CLVS1: variants seen among roughly 807,000 people sequenced by gnomAD.
CLVS1 encodes clavesin-1.
In CLVS1, 10 loss-of-function variants were observed where a neutral mutation model predicts 33.1. That is an observed-to-expected ratio of 0.30 (90% CI 0.19 to 0.51). The LOEUF is 0.51. Among genes scored for constraint, CLVS1 ranks in the 20% least tolerant of loss-of-function variants. The pLI, the probability that CLVS1 is intolerant of heterozygous loss-of-function variation, is 0.97. For missense variants in CLVS1, 343 were observed against 433.4 expected, an observed-to-expected ratio of 0.79 and a Z score of 1.85; for synonymous variants, 163 against 166.1, an observed-to-expected ratio of 0.98 and a Z score of 0.14.
the CLVS1 span, among the ~76,000 whole-genome samples, chr8:61,038,331 C>T: frequency 6.6e-6 from 1 of 151,698 alleles, no homozygotes; most frequent in East Asian, 1.9e-4. Flanking sequence ...CTGGTGTTTC[C>T]CATATGAGAG....
At chr8:61,365,965 T>A (rs1021793349) in intron 2 of CLVS1, among the ~76,000 whole-genome samples, 2 of 152,220 alleles carry the variant, frequency 1.3e-5, no homozygotes, top group African/African-American at 4.8e-5. Flanking sequence ...AATTTAGCTG[T>A]ATTAAGTGCT....
intron 2 of CLVS1, among the ~76,000 whole-genome samples, chr8:61,271,192 C>A (rs1809430203): frequency 6.7e-6 from 1 of 148,586 alleles, no homozygotes; most frequent in African/African-American, 2.5e-5. Flanking sequence ...TTGAATGCGT[C>A]CCAGAGATTC....
At chr8:61,454,319 T>G in intron 4 of CLVS1, 68 bp downstream of exon 4, 1 of 1,069,244 alleles carries the variant, frequency 9.4e-7, no homozygotes, top group Non-Finnish European at 1.5e-6. Flanking sequence ...CTCTCTCCCC[T>G]CCTCTCTCCT....
the CLVS1 span, among the ~76,000 whole-genome samples, chr8:60,972,206 G>A: frequency 6.6e-6 from 1 of 152,056 alleles, no homozygotes; most frequent in Non-Finnish European, 1.5e-5. Flanking sequence ...CAGCATGGTG[G>A]TCTCAGTGTG....
At chr8:61,102,863 A>AAGGAG (rs1563403529) in intron 1 of CLVS1, among the ~76,000 whole-genome samples, 2 of 152,090 alleles carry the variant, frequency 1.3e-5, no homozygotes, top group African/African-American at 4.8e-5. Flanking sequence ...AGGAGAAGGA[A>AAGGAG]AAGGATAGAG....
upstream of CLVS1, among the ~76,000 whole-genome samples, chr8:61,284,292 G>C (rs1400287119): frequency 6.6e-6 from 1 of 152,186 alleles, no homozygotes; most frequent in Admixed American, 6.5e-5. Flanking sequence ...ATAAGTTCTG[G>C]TGTTCCACTG....
intron 2 of CLVS1, among the ~76,000 whole-genome samples, chr8:61,183,264 G>T (rs539319514): frequency 6.6e-6 from 1 of 152,112 alleles, no homozygotes; most frequent in Non-Finnish European, 1.5e-5. Flanking sequence ...CATGGCACAC[G>T]TTTACCTGTG....
chr8:61,319,535 A>ACTTC (rs1811124219), intron 2 of CLVS1, among the ~76,000 whole-genome samples: 1 of 152,084 alleles, frequency 6.6e-6, no homozygotes, highest in South Asian at 2.1e-4. Context: ...CAAGGCCTTG[A>ACTTC]CTTCCATCTC....
At chr8:61,270,183 G>A (rs1241916433) in intron 2 of CLVS1, among the ~76,000 whole-genome samples, 4 of 152,016 alleles carry the variant, frequency 2.6e-5, no homozygotes, top group Non-Finnish European at 5.9e-5. Context: ...TTTGAAATAC[G>A]TCCCATCAGT....
chr8:61,448,148 TG>T (rs1816823193), intron 3 of CLVS1, among the ~76,000 whole-genome samples: 3 of 152,048 alleles, frequency 2.0e-5, no homozygotes, highest in South Asian at 4.1e-4. Context: ...GTCAATATAT[TG>T]TTTTTTTTTC....
At chr8:61,465,977 A>G (rs1817535293) in intron 5 of CLVS1, among the ~76,000 whole-genome samples, 1 of 151,946 alleles carries the variant, frequency 6.6e-6, no homozygotes, top group Non-Finnish European at 1.5e-5. Context: ...TCCTTATTTT[A>G]TTTTATTTTT....
At chr8:61,091,975 G>T (rs1805259922) in intron 1 of CLVS1, among the ~76,000 whole-genome samples, 1 of 152,210 alleles carries the variant, frequency 6.6e-6, no homozygotes, top group African/African-American at 2.4e-5. Flanking sequence ...ATTTTAGGGA[G>T]TTAAGAAATT....
chr8:61,085,896 C>T (rs572715656), intron 1 of CLVS1, among the ~76,000 whole-genome samples: 35 of 151,196 alleles, frequency 2.3e-4, no homozygotes, highest in Non-Finnish European at 4.4e-4. Flanking sequence ...TGGTGGCGGG[C>T]GCGTTGGCGG....
intron 2 of CLVS1, among the ~76,000 whole-genome samples, chr8:61,259,456 C>T (rs1809153454): frequency 6.6e-6 from 1 of 152,172 alleles, no homozygotes; most frequent in Non-Finnish European, 1.5e-5. Context: ...GCTATTTAGG[C>T]AGGAATCACT....
chr8:61,186,804 C>T (rs943348304), intron 2 of CLVS1, among the ~76,000 whole-genome samples: 1 of 152,306 alleles, frequency 6.6e-6, no homozygotes, highest in South Asian at 2.1e-4. Context: ...AAACATGTTT[C>T]ATCTAGCTCT....
chr8:61,453,357 GCTGATCTGGATTCTAATGCC>G (rs1368844279), intron 3 of CLVS1, among the ~76,000 whole-genome samples: 22 of 151,910 alleles, frequency 1.4e-4, no homozygotes, highest in African/African-American at 5.3e-4. Flanking sequence ...TAAAACATAA[GCTGATCTGGATTCTAATGCC>G]CTGATCTGGA....
At position 61,232,022 on chromosome 8, in the gene CLVS1, GGTTTTTTTT is replaced by G. The variant is rs1198676086; in HGVS notation, c.-151-67654_-151-67646del. Reference sequence around the variant, plus strand: ...GAGAAGGAGCCCTGAGGAAAGTTGTGGTTTTTTTTTTTTTTTTTTTTTTTTTTTGTGAGA... The same window carrying G: ...GAGAAGGAGCCCTGAGGAAAGTTGTGTTTTTTTTTTTTTTTTTTTGTGAGA... On this transcript the variant is annotated intron_variant, in intron 2 of 2. Transcript: ENST00000522621. 2.0e-4 allele frequency among the ~76,000 whole-genome samples: 23 copies of G among 117,074 alleles called. 4 individuals carry two copies. The East Asian group carries it at 2.5e-3, about 13-fold the overall frequency. The allele number at this position is 117,074 out of a possible 152,430, so 76.8% of individuals were successfully genotyped here.
chr8:61,199,214 A>T (rs1807678090), intron 2 of CLVS1, among the ~76,000 whole-genome samples: 1 of 152,192 alleles, frequency 6.6e-6, no homozygotes, highest in Admixed American at 6.5e-5. Context: ...ATTTATGACT[A>T]AGACTCCAAA....
chr8:61,339,744 A>G (rs1362675813), intron 2 of CLVS1, among the ~76,000 whole-genome samples: 1 of 149,818 alleles, frequency 6.7e-6, no homozygotes, highest in Non-Finnish European at 1.5e-5. Context: ...AGAGAGAAAG[A>G]GAGAAGGAGG....
Sources: gnomAD v4.1 joint callset for allele counts (sites outside exome capture counted in the v4.1 genomes callset) on GRCh38, gnomAD v4.1.1 for gene constraint, MANE v1.5 for transcripts, NCBI Gene and HGNC (gene_info 2026-07-23, HGNC 2026-07-21) for gene names.